Variants in MMP28 observed in about 807,000 individuals in gnomAD.
MMP28 encodes the protein matrix metallopeptidase 28, also known as matrix metalloproteinase-28.
MMP28 carries 55 observed loss-of-function variants against 60.5 expected under a neutral mutation model. That is an observed-to-expected ratio of 0.91 (90% CI 0.73 to 1.14). The LOEUF is 1.14. Ranked by LOEUF, MMP28 falls within the 50% of genes most tolerant of loss-of-function variation. The pLI is 0.00. For synonymous variants in MMP28, 318 were observed against 312.5 expected, an observed-to-expected ratio of 1.02 and a Z score of -0.18; for missense variants, 686 against 738.3, an observed-to-expected ratio of 0.93 and a Z score of 0.82.
chr17:35,777,406 A>G (rs1315076258), intron 3 of MMP28, among the ~76,000 whole-genome samples: 1 of 152,200 alleles, frequency 6.6e-6, no homozygotes, highest in Non-Finnish European at 1.5e-5. Context: ...GAAAGCAAGC[A>G]GTCAGTACTG....
At chr17:35,764,440 C>T (rs1555602325), downstream of MMP28, 2 of 1,548,278 alleles carry the variant, frequency 1.3e-6, no homozygotes, top group Non-Finnish European at 8.7e-7. Flanking sequence ...CGGAGCCTCC[C>T]GGAGGAGCCG....
At position 35,773,352 on chromosome 17, in the gene MMP28, C is replaced by A. The variant is rs532099250; in HGVS notation, c.432G>T (p.Glu144Asp). ...HLSYRLVNWP[E>D]HLPEPAVRGA... ...CCCGAACTGCCGGCTCCGGCAGATG[C>A]TCAGGCCAGTTCACCAGGCGGTAGG... The change falls in exon 4 of 8, where the codon GAG becomes GAT. Residue 144 changes from glutamate (E) to aspartate (D), a missense_variant. Coordinates refer to ENST00000605424, the MANE Select transcript of MMP28 (RefSeq NM_024302.5). The A allele has an allele frequency of 1.2e-5, 19 of 1,611,994 alleles. No individual in the cohort carries two copies. In the South Asian group the frequency reaches 1.9e-4, roughly 16 times the overall value.
intron 3 of MMP28, among the ~76,000 whole-genome samples, chr17:35,774,633 G>GC (rs1298169754): frequency 1.3e-5 from 2 of 152,230 alleles, no homozygotes; most frequent in Non-Finnish European, 2.9e-5. Flanking sequence ...CCTCACCAAT[G>GC]CAAGTGGGGG....
Position 35,766,029 on chromosome 17 carries a change from T to TC in MMP28, c.*470dup. ...CTGTGCCTTCATCCCCATCCATGCTTCCTGGGGGTGGGGCCTCTGACTAAA... is the reference window on the plus strand; with the variant it reads ...CTGTGCCTTCATCCCCATCCATGCTTCCCTGGGGGTGGGGCCTCTGACTAAA... On this transcript the variant is annotated 3_prime_UTR_variant, in exon 8 of 8. Coordinates refer to ENST00000605424, the MANE Select transcript of MMP28 (RefSeq NM_024302.5). The surrounding 1 kb of genome is among the most constrained non-coding windows in gnomAD (Gnocchi z 4.3). 1 of 985,402 alleles carries TC rather than the reference T, an allele frequency of 1.0e-6. No individual in the cohort carries two copies. The highest frequency in any genetic ancestry group is 1.7e-5 in the African/African-American group (1 of 57,340). 61.0% of individuals were successfully genotyped at this position (985,402 alleles called of 1,614,324 possible). A position where few individuals can be genotyped will look rare whatever the true frequency, so the allele number is the denominator to read the frequency against.
intron 4 of MMP28, among the ~76,000 whole-genome samples, chr17:35,770,963 G>C (rs1361883396): frequency 1.3e-5 from 2 of 152,202 alleles, no homozygotes; most frequent in East Asian, 3.9e-4. Flanking sequence ...GAGGTGGGAG[G>C]CTCTCTTGAG....
At chr17:35,778,559 A>C in intron 3 of MMP28, 1 of 427,920 alleles carries the variant, frequency 2.3e-6, no homozygotes, top group South Asian at 3.2e-5. Flanking sequence ...ATTCTGATGA[A>C]AATAACTTCA....
rs1352456425 is a variant in MMP28, at chr17:35,773,214, G to T, written c.570C>A (p.His190Gln). ...CAAAGGCATTGCCCAGCCCATCGTT[G>T]TGGTCCCCTTGGAAGAAGGTGAGCC... is the stretch of plus-strand genomic sequence containing the variant. ...DIRLTFFQGD[H>Q]NDGLGNAFDG... is the part of the protein sequence containing the mutation. The change falls in exon 4 of 8, where the codon CAC becomes CAA. Residue 190 changes from histidine (H) to glutamine (Q), a missense_variant. His to Gln is a conservative substitution (Grantham distance 24). Coordinates refer to ENST00000605424, the MANE Select transcript of MMP28 (RefSeq NM_024302.5). The T allele has an allele frequency of 6.2e-7, 1 of 1,614,018 alleles. No individual in the cohort carries two copies. The highest frequency in any genetic ancestry group is 8.5e-7 in the Non-Finnish European group (1 of 1,179,886).
At chr17:35,793,154 ATAT>A (rs1358499573) in intron 1 of MMP28, among the ~76,000 whole-genome samples, 1 of 152,216 alleles carries the variant, frequency 6.6e-6, no homozygotes. Flanking sequence ...TGCTTTTAAA[ATAT>A]TTTCTTGTTC....
At chr17:35,791,018 C>CTGTGCCCA (rs1426313391) in intron 1 of MMP28, among the ~76,000 whole-genome samples, 2 of 151,804 alleles carry the variant, frequency 1.3e-5, no homozygotes, top group East Asian at 3.9e-4. Flanking sequence ...GTATGAGTCA[C>CTGTGCCCA]TGTGCCCAGC....
At chr17:35,787,139 A>G (rs2086675557) in intron 1 of MMP28, among the ~76,000 whole-genome samples, 1 of 152,200 alleles carries the variant, frequency 6.6e-6, no homozygotes, top group Non-Finnish European at 1.5e-5. Context: ...GATTTCTCTT[A>G]TCTGCTTTAC....
chr17:35,794,245 C>CTTTTT (rs749895795), intron 1 of MMP28, among the ~76,000 whole-genome samples: 1 of 133,624 alleles, frequency 7.5e-6, no homozygotes, highest in African/African-American at 2.9e-5. Flanking sequence ...ATTACAACCA[C>CTTTTT]TTTTTTTTTT....
intron 2 of MMP28, among the ~76,000 whole-genome samples, chr17:35,759,468 G>A (rs1225410004): frequency 3.9e-5 from 6 of 152,288 alleles, no homozygotes; most frequent in South Asian, 2.1e-4. Context: ...TTGGGAGGCC[G>A]AGACGGGCAG....
At chr17:35,785,048 G>A (rs1555610165) in intron 1 of MMP28, among the ~76,000 whole-genome samples, 2 of 152,176 alleles carry the variant, frequency 1.3e-5, no homozygotes, top group Non-Finnish European at 2.9e-5. Flanking sequence ...CTTTCCTGGG[G>A]AGTCACTTCT....
chr17:35,777,686 G>A (rs2086373735), intron 3 of MMP28, among the ~76,000 whole-genome samples: 1 of 152,252 alleles, frequency 6.6e-6, no homozygotes, highest in South Asian at 2.1e-4. Context: ...CATCTTGTTA[G>A]AAATCTTGAA....
At chr17:35,774,513 G>A (rs749755728) in intron 3 of MMP28, among the ~76,000 whole-genome samples, 10 of 152,210 alleles carry the variant, frequency 6.6e-5, no homozygotes, top group Non-Finnish European at 1.2e-4. Flanking sequence ...TTGCCAGGAC[G>A]CCAGGCTTAT....
rs775316487 is a variant in MMP28 at position 35,766,597 on chromosome 17, T to C, written c.1466A>G (p.Asp489Gly). Residue 489 changes from aspartate to glycine, a missense_variant, in exon 8 of 8, where the codon GAC (aspartate) becomes GGC (glycine). Asp to Gly is a moderately conservative substitution (Grantham distance 94). Transcript: ENST00000605424. This position sits in a 1 kb window ranked among gnomAD's most constrained non-coding sequence, Gnocchi z 4.3. ...GGTGGTTGCCTGCAGTTTGGCCTGGTCGAGGCGCCAGTAGCGGTCATCTCG... is the reference window on the plus strand; with the variant it reads ...GGTGGTTGCCTGCAGTTTGGCCTGGCCGAGGCGCCAGTAGCGGTCATCTCG... Reference protein sequence around the residue: ...FFRDDRYWRLDQAKLQATTSG... With the variant: ...FFRDDRYWRLGQAKLQATTSG... 5 of 1,612,404 alleles carry C rather than the reference T, an allele frequency of 3.1e-6. No individual in the cohort carries two copies. The African/African-American group carries it at 6.7e-5, about 22-fold the overall frequency.
intron 4 of MMP28, among the ~76,000 whole-genome samples, chr17:35,770,946 G>A (rs751091076): frequency 3.3e-5 from 5 of 152,080 alleles, no homozygotes; most frequent in Non-Finnish European, 5.9e-5. Context: ...CAGCTACTTG[G>A]GAAGCTGAGG....
intron 7 of MMP28, chr17:35,767,129 C>T (rs2085971621): frequency 1.4e-6 from 1 of 702,002 alleles, no homozygotes. Context: ...GCAGATAGCC[C>T]CGAAAGGAAG....
At chr17:35,790,060 CTTTTTTTTTTTT>C (rs56405134) in intron 1 of MMP28, among the ~76,000 whole-genome samples, 2 of 66,938 alleles carry the variant, frequency 3.0e-5, no homozygotes, top group Admixed American at 4.1e-4. Context: ...CCGCACCTGG[CTTTTTTTTTTTT>C]TTTTTTTTTT....
Sources: gnomAD v4.1 joint callset for allele counts (sites outside exome capture counted in the v4.1 genomes callset) on GRCh38, gnomAD v4.1.1 for gene constraint, Gnocchi (gnomAD v3.1) non-coding constraint, MANE v1.5 for transcripts, NCBI Gene and HGNC (gene_info 2026-07-23, HGNC 2026-07-21) for gene names.